The following PPHLN1 variants were observed in gnomAD, a reference collection of about 807,000 sequenced individuals.
The protein encoded by PPHLN1 is periphilin 1.
In PPHLN1, 29 loss-of-function variants were observed where a neutral mutation model predicts 51.3. The ratio of observed to expected loss-of-function variants is 0.57; its 90% CI spans 0.42 to 0.77. PPHLN1 has a LOEUF of 0.77. Among genes scored for constraint, PPHLN1 ranks in the 30% least tolerant of loss-of-function variants. PPHLN1 has a pLI of 0.00. For missense variants in PPHLN1, 436 were observed against 438.4 expected (o/e 0.99, Z 0.05); for synonymous variants, 147 against 147.8 (o/e 0.99, Z 0.04).
At chr12:42,378,096 CTTTCTTTCTTTCTTTCTTT>C (rs1565879199) in intron 5 of PPHLN1, among the ~76,000 whole-genome samples, 1 of 13,264 alleles carries the variant, frequency 7.5e-5, no homozygotes, top group East Asian at 1.9e-3. Flanking sequence ...CTTTCTCTTT[CTTTCTTTCTTTCTTTCTTT>C]CTTTCTTTCT....
At position 42,442,090 on chromosome 12, in the gene PPHLN1, C is replaced by A; in HGVS notation, c.*581C>A. On this transcript the variant is annotated 3_prime_UTR_variant, in exon 10 of 10. Transcript: ENST00000358314. ...GTCTTCTATTACAATAATCCTGAAA[C>A]TCCTGACTCTCTCACTGATGTATGA... is the stretch of plus-strand genomic sequence containing the variant. The A allele has an allele frequency of 2.3e-6, 1 of 427,568 alleles. No homozygotes were observed. The allele number at this position is 427,568 out of a possible 1,614,324, so 26.5% of individuals were successfully genotyped here.
At chr12:42,444,369 A>G (rs2083179398), downstream of PPHLN1, 3 of 150,220 alleles carry the variant, frequency 2.0e-5, no homozygotes, top group Admixed American at 2.0e-4. Flanking sequence ...AGACTCTCCT[A>G]GGTATTTAAC....
intron 1 of PPHLN1, among the ~76,000 whole-genome samples, chr12:42,326,443 A>G (rs549308484): frequency 1.3e-5 from 2 of 152,256 alleles, no homozygotes; most frequent in South Asian, 2.1e-4. Context: ...GCCTCTCTGT[A>G]GCGCCTTAAT....
intron 9 of PPHLN1, chr12:42,399,669 G>A (rs938006375): frequency 3.2e-5 from 5 of 156,172 alleles, no homozygotes; most frequent in African/African-American, 1.2e-4. Context: ...TTTTCTCTAG[G>A]TGCTGTCCGA....
chr12:42,415,856 A>G (rs1489695057), intron 9 of PPHLN1, among the ~76,000 whole-genome samples: 1 of 152,218 alleles, frequency 6.6e-6, no homozygotes, highest in Non-Finnish European at 1.5e-5. Context: ...GACTTGTTCA[A>G]GTTTATGCTA....
At chr12:42,399,171 C>T in intron 9 of PPHLN1, 177 bp downstream of exon 9, 1 of 1,323,882 alleles carries the variant, frequency 7.6e-7, no homozygotes. Context: ...CAGTATGGTC[C>T]CCCACCTGGA....
At chr12:42,379,196 G>A (rs1161274799) in intron 5 of PPHLN1, among the ~76,000 whole-genome samples, 2 of 151,202 alleles carry the variant, frequency 1.3e-5, no homozygotes, top group Non-Finnish European at 1.5e-5. Context: ...AACATTAAAA[G>A]TGATGAAAAA....
At chr12:42,381,805 A>G (rs565127014) in intron 5 of PPHLN1, among the ~76,000 whole-genome samples, 55 of 152,278 alleles carry the variant, frequency 3.6e-4, no homozygotes, top group South Asian at 2.1e-3. Context: ...TCATTTATTT[A>G]TATCTTAATT....
intron 5 of PPHLN1, among the ~76,000 whole-genome samples, chr12:42,384,650 A>G (rs977787951): frequency 6.6e-6 from 1 of 152,184 alleles, no homozygotes; most frequent in East Asian, 1.9e-4. Context: ...TTGTCTTTCT[A>G]TGAACCTTTT....
chr12:42,336,379 T>G (rs2070670810), intron 2 of PPHLN1, among the ~76,000 whole-genome samples: 1 of 147,878 alleles, frequency 6.8e-6, no homozygotes, highest in South Asian at 2.2e-4. Flanking sequence ...AAAAGTAGGC[T>G]TTCATTCTAA....
intron 9 of PPHLN1, among the ~76,000 whole-genome samples, chr12:42,400,753 C>T (rs138575485): frequency 7.3e-4 from 110 of 150,836 alleles, no homozygotes; most frequent in African/African-American, 2.6e-3. Context: ...GAGAGCGAGA[C>T]CCTGTCTCTC....
In PPHLN1 at chr12:42,399,221, G is replaced by A. The variant is rs1030032586; in HGVS notation, c.909+227G>A. On this transcript the variant is annotated intron_variant, in intron 9 of 9. Coordinates refer to ENST00000358314, the MANE Select transcript of PPHLN1 (RefSeq NM_201439.2). Reference sequence around the variant, plus strand: ...ATAAAAAACAGACTTCTTTTTTACAGAATATTAATATTCTAGTTAGTATGA... The same window carrying A: ...ATAAAAAACAGACTTCTTTTTTACAAAATATTAATATTCTAGTTAGTATGA... 2.6e-6 allele frequency: 3 copies of A among 1,144,028 alleles called. No homozygotes were observed. The African/African-American group carries it at 4.7e-5, about 18-fold the overall frequency. The allele number at this position is 1,144,028 out of a possible 1,614,324, so 70.9% of individuals were successfully genotyped here.
chr12:42,415,104 A>G (rs2080251492), intron 9 of PPHLN1, among the ~76,000 whole-genome samples: 1 of 152,198 alleles, frequency 6.6e-6, no homozygotes, highest in Non-Finnish European at 1.5e-5. Context: ...GCTTACAAAT[A>G]CTCAAGGGCG....
At chr12:42,430,280 C>A (rs1003059194) in intron 9 of PPHLN1, among the ~76,000 whole-genome samples, 1 of 149,316 alleles carries the variant, frequency 6.7e-6, no homozygotes, top group African/African-American at 2.4e-5. Flanking sequence ...CCTACAGTCA[C>A]ACACACACAC....
chr12:42,368,945 G>C (rs961245215), intron 4 of PPHLN1, among the ~76,000 whole-genome samples: 7 of 152,168 alleles, frequency 4.6e-5, no homozygotes, highest in Non-Finnish European at 1.0e-4. Context: ...AATAAATTGT[G>C]CTTGAAAACT....
chr12:42,434,682 C>A (rs1313476017), intron 9 of PPHLN1, among the ~76,000 whole-genome samples: 1 of 151,984 alleles, frequency 6.6e-6, no homozygotes, highest in African/African-American at 2.4e-5. Flanking sequence ...ATTACTGTTT[C>A]TTTATGTTTT....
At chr12:42,390,363 T>C (rs556585726) in intron 7 of PPHLN1, among the ~76,000 whole-genome samples, 1 of 152,328 alleles carries the variant, frequency 6.6e-6, no homozygotes, top group Non-Finnish European at 1.5e-5. Flanking sequence ...TTGGTTTTCA[T>C]GTCAGGTAAT....
intron 4 of PPHLN1, among the ~76,000 whole-genome samples, chr12:42,365,020 CAT>C (rs1382421929): frequency 2.6e-5 from 4 of 152,158 alleles, no homozygotes; most frequent in Non-Finnish European, 4.4e-5. Flanking sequence ...TAACTGTAAA[CAT>C]GTGATTTTGT....
chr12:42,375,225 TAACA>T (rs2076154681), intron 5 of PPHLN1, 151 bp downstream of exon 5: 1 of 584,354 alleles, frequency 1.7e-6, no homozygotes, highest in Non-Finnish European at 2.9e-6. Flanking sequence ...TAGAATAGTA[TAACA>T]AACACCATAC....
Sources: gnomAD v4.1 joint callset for allele counts (sites outside exome capture counted in the v4.1 genomes callset) on GRCh38, gnomAD v4.1.1 for gene constraint, MANE v1.5 for transcripts, NCBI Gene and HGNC (gene_info 2026-07-23, HGNC 2026-07-21) for gene names.